Variants in ECHDC3 observed in about 807,000 individuals in gnomAD.
The protein encoded by ECHDC3 is enoyl-CoA hydratase domain containing 3.
In ECHDC3, 20 loss-of-function variants were observed where a neutral mutation model predicts 17.9. The observed-to-expected ratio is 1.12, with a 90% confidence interval of 0.79 to 1.63. The LOEUF (loss-of-function observed/expected upper bound fraction) is 1.63, where lower values mean the gene tolerates loss of function less well. Ranked by LOEUF, ECHDC3 falls within the 40% of genes most tolerant of loss-of-function variation. The pLI, the probability that ECHDC3 is intolerant of heterozygous loss-of-function variation, is 0.00. For missense variants in ECHDC3, 407 were observed against 357.7 expected (o/e 1.14, Z -1.11); for synonymous variants, 177 against 149.7 (o/e 1.18, Z -1.33).
chr10:11,750,635 A>G (rs550587317), intron 3 of ECHDC3, among the ~76,000 whole-genome samples: 2 of 152,370 alleles, frequency 1.3e-5, no homozygotes, highest in African/African-American at 4.8e-5. Context: ...TTGAGCACCT[A>G]TTATAGTACC....
intron 2 of ECHDC3, 79 bp from the exon 3 acceptor site, chr10:11,749,416 G>C: frequency 7.3e-7 from 1 of 1,372,740 alleles, no homozygotes; most frequent in Non-Finnish European, 1.0e-6. Context: ...TTATTCAGTA[G>C]ACAAGGAAGG....
chr10:11,762,651 G>A (rs1409969374), intron 4 of ECHDC3, among the ~76,000 whole-genome samples: 1 of 152,172 alleles, frequency 6.6e-6, no homozygotes, highest in Non-Finnish European at 1.5e-5. Context: ...TAGTAGGAGG[G>A]GAGAGGGCAT....
intron 4 of ECHDC3, among the ~76,000 whole-genome samples, chr10:11,757,706 C>G (rs1407784566): frequency 1.3e-5 from 2 of 152,178 alleles, no homozygotes; most frequent in African/African-American, 4.8e-5. Context: ...AGAGCCATGA[C>G]TCAGGAACAT....
rs371729654 is a variant in ECHDC3, at chr10:11,763,220, G to A, written c.592-4G>A. 8.3e-5 allele frequency: 64 copies of A among 771,628 alleles called. No homozygotes were observed. The highest frequency in any genetic ancestry group is 6.8e-4 in the Middle Eastern group (3 of 4,428). The allele number at this position is 771,628 out of a possible 1,614,324, so 47.8% of individuals were successfully genotyped here. On this transcript the variant is annotated splice_region_variant and splice_polypyrimidine_tract_variant and intron_variant, in intron 4 of 4. Transcript: ENST00000379215. The surrounding 1 kb of genome is among the most constrained non-coding windows in gnomAD (Gnocchi z 4.9). ...CCTCAGTGACATCCCGTGTCTCCCC[G>A]TAGGTGGCCTTGGAGATGCTCTTTA...
Position 11,762,752 on chromosome 10 carries a change from C to G in ECHDC3, c.592-472C>G, listed in dbSNP as rs531894163. Reference sequence around the variant, plus strand: ...AAAGACATTGTCTGTAAATCCTTGCCTCTCCGGGAGGCTGGGTCTGCTCTT... The same window carrying G: ...AAAGACATTGTCTGTAAATCCTTGCGTCTCCGGGAGGCTGGGTCTGCTCTT... On this transcript the variant is annotated intron_variant, in intron 4 of 4. Coordinates refer to ENST00000379215, the MANE Select transcript of ECHDC3 (RefSeq NM_024693.5). Among the ~76,000 whole-genome samples the G allele has an allele frequency of 2.6e-5, 4 of 152,294 alleles. No individual in the cohort carries two copies. In the East Asian group the frequency reaches 7.7e-4, roughly 29 times the overall value.
chr10:11,763,341 G>T lies in ECHDC3; in HGVS notation c.709G>T (p.Ala237Ser), dbSNP rs370160156. ...GCTGCAGGAGGAGACCATGCGGATC[G>T]CTAGGAAGATCGCATCGCTGAGCCG... ...AELQEETMRI[A>S]RKIASLSRPV... Residue 237 changes from alanine (A) to serine (S), a missense_variant, in exon 5 of 5, where the codon GCT becomes TCT. Coordinates refer to ENST00000379215, the MANE Select transcript of ECHDC3 (RefSeq NM_024693.5). This position sits in a 1 kb window ranked among gnomAD's most constrained non-coding sequence, Gnocchi z 4.9. The T allele has an allele frequency of 3.8e-6, 3 of 779,988 alleles. No homozygotes were observed. Among genetic ancestry groups the T allele is most frequent in the East Asian group, 2.4e-5 (1 of 41,224 alleles). The allele number at this position is 779,988 out of a possible 1,614,324, so 48.3% of individuals were successfully genotyped here.
At chr10:11,743,387 A>G (rs1588461195) in intron 1 of ECHDC3, among the ~76,000 whole-genome samples, 1 of 152,248 alleles carries the variant, frequency 6.6e-6, no homozygotes, top group East Asian at 1.9e-4. Flanking sequence ...TCACCTTCCG[A>G]AGAAGACCTA....
intron 1 of ECHDC3, among the ~76,000 whole-genome samples, chr10:11,743,397 A>C (rs1019531151): frequency 5.9e-5 from 9 of 152,244 alleles, no homozygotes; most frequent in Admixed American, 5.9e-4. Context: ...AAGAAGACCT[A>C]GAAGGCCGCC....
chr10:11,750,444 G>T (rs117647626), intron 3 of ECHDC3, among the ~76,000 whole-genome samples: 8 of 152,276 alleles, frequency 5.3e-5, no homozygotes, highest in African/African-American at 7.2e-5. Context: ...CCTCTTCGTT[G>T]TTGCTTCTTT....
intron 2 of ECHDC3, 23 bp from the exon 3 acceptor site, chr10:11,749,472 T>C (rs868444461): frequency 1.2e-5 from 20 of 1,613,370 alleles, no homozygotes; most frequent in Middle Eastern, 3.3e-4. Flanking sequence ...TTGTTTTCTT[T>C]TCTCAATTGG....
At chr10:11,755,632 C>G in intron 4 of ECHDC3, 24 bp downstream of exon 4, 11 of 1,586,230 alleles carry the variant, frequency 6.9e-6, no homozygotes, top group Non-Finnish European at 9.4e-6. Flanking sequence ...CCCCACCCAC[C>G]TCTGCCTCCC....
chr10:11,746,048 C>G (rs1020427695), intron 1 of ECHDC3, among the ~76,000 whole-genome samples: 1 of 152,106 alleles, frequency 6.6e-6, no homozygotes, highest in Non-Finnish European at 1.5e-5. Context: ...AAAGACGGGC[C>G]TAGGTGCAGT....
At chr10:11,756,574 A>C (rs1347656623) in intron 4 of ECHDC3, among the ~76,000 whole-genome samples, 1 of 152,164 alleles carries the variant, frequency 6.6e-6, no homozygotes, top group African/African-American at 2.4e-5. Context: ...TTTTTGCAGA[A>C]ATGTGTGTTT....
chr10:11,762,864 C>T (rs1190048935), intron 4 of ECHDC3, among the ~76,000 whole-genome samples: 1 of 152,012 alleles, frequency 6.6e-6, no homozygotes, highest in Non-Finnish European at 1.5e-5. Flanking sequence ...AACCCCCACT[C>T]CCCGCCACCC....
At chr10:11,749,429 A>T in intron 2 of ECHDC3, 66 bp from the exon 3 acceptor site, 3 of 1,515,994 alleles carry the variant, frequency 2.0e-6, no homozygotes, top group Non-Finnish European at 1.8e-6. Flanking sequence ...AAGGAAGGGA[A>T]CTAACTGCCC....
At chr10:11,755,824 A>G (rs1832881646) in intron 4 of ECHDC3, 9 of 505,324 alleles carry the variant, frequency 1.8e-5, no homozygotes, top group Non-Finnish European at 2.8e-5. Flanking sequence ...TTCTGACGCC[A>G]GGCGTCAATT....
chr10:11,749,773 CTTTTTTTTTTTTTTTTTTTTTTTTT>C (rs869115508), intron 3 of ECHDC3, among the ~76,000 whole-genome samples, 181 bp downstream of exon 3: 1 of 65,530 alleles, frequency 1.5e-5, no homozygotes, highest in African/African-American at 6.5e-5. Flanking sequence ...TGGTTTAGAC[CTTTTTTTTTTTTTTTTTTTTTTTTT>C]TTTTTTTTTT....
At chr10:11,758,381 G>A (rs1832908372) in intron 4 of ECHDC3, among the ~76,000 whole-genome samples, 1 of 152,152 alleles carries the variant, frequency 6.6e-6, no homozygotes, top group Non-Finnish European at 1.5e-5. Context: ...AGAGCACGTG[G>A]GAAATGAGAA....
intron 2 of ECHDC3, 40 bp downstream of exon 2, chr10:11,747,510 C>T: frequency 6.2e-7 from 1 of 1,606,582 alleles, no homozygotes; most frequent in Non-Finnish European, 8.5e-7. Flanking sequence ...CTGCAGTGCC[C>T]ACAAGAGCTT....
Sources: gnomAD v4.1 joint callset for allele counts (sites outside exome capture counted in the v4.1 genomes callset) on GRCh38, gnomAD v4.1.1 for gene constraint, Gnocchi (gnomAD v3.1) non-coding constraint, MANE v1.5 for transcripts, NCBI Gene and HGNC (gene_info 2026-07-23, HGNC 2026-07-21) for gene names.